Variants in TM7SF3 observed in about 807,000 individuals in gnomAD.
The protein encoded by TM7SF3 is seven span transmembrane protein.
A neutral mutation model predicts 65.5 loss-of-function variants in TM7SF3; 60 were observed. The observed-to-expected ratio is 0.92, with a 90% CI of 0.74 to 1.14. The LOEUF (loss-of-function observed/expected upper bound fraction) is 1.14. TM7SF3 is among the 50% of genes most tolerant of loss of function. TM7SF3 has a pLI of 0.00. For synonymous variants in TM7SF3, 264 were observed against 259.6 expected (o/e 1.02, Z -0.16); for missense variants, 623 against 684.8 (o/e 0.91, Z 1.01).
At chr12:27,006,821 T>C (rs1941056613) in intron 1 of TM7SF3, among the ~76,000 whole-genome samples, 1 of 152,268 alleles carries the variant, frequency 6.6e-6, no homozygotes, top group South Asian at 2.1e-4. Flanking sequence ...GAGTATTCCA[T>C]TCTGGGTATG....
intron 3 of TM7SF3, among the ~76,000 whole-genome samples, chr12:26,997,580 A>G (rs1940649622): frequency 6.6e-6 from 1 of 152,074 alleles, no homozygotes; most frequent in Non-Finnish European, 1.5e-5. Context: ...AACATTTCCT[A>G]TCTTCTACTC....
chr12:26,974,090 T>C lies in TM7SF3; in HGVS notation c.1588A>G (p.Asn530Asp). The part of the protein sequence containing the change: ...WKQERERRVT[N>D]ILDPSYHIPP... ...ATGTGGTAGCTAGGGTCCAGAATGT[T>C]TGTCACTCGGCGCTCTCTCTCTTGC... The change falls in exon 12 of 12, where the codon AAC becomes GAC. Residue 530 changes from asparagine (N) to aspartate (D), a missense_variant. Asn to Asp is a conservative substitution (Grantham distance 23). Coordinates refer to ENST00000343028, the MANE Select transcript of TM7SF3 (RefSeq NM_016551.3). The C allele has an allele frequency of 6.2e-7, 1 of 1,614,144 alleles. No individual in the cohort carries two copies. The highest frequency in any genetic ancestry group is 8.5e-7 in the Non-Finnish European group (1 of 1,180,018).
Position 26,986,029 on chromosome 12 carries a change from T to C in TM7SF3, c.869-3170A>G, listed in dbSNP as rs1280850248. ...TTTTTTAGTAGAGACGGGGTTTCAC[T>C]GTGTTAGCCAGGATGGTCTCGATCT... On this transcript the variant is annotated intron_variant, in intron 6 of 11. Transcript: ENST00000343028. Among the ~76,000 whole-genome samples, 77 of 150,872 alleles carry C rather than the reference T, an allele frequency of 5.1e-4. 1 individual carries two copies. The highest frequency in any genetic ancestry group is 1.7e-3 in the South Asian group (8 of 4,782).
chr12:27,011,935 A>C (rs1056826334), intron 1 of TM7SF3, among the ~76,000 whole-genome samples: 3 of 152,192 alleles, frequency 2.0e-5, no homozygotes, highest in African/African-American at 7.2e-5. Flanking sequence ...AAATACTAAC[A>C]CCAAGTAGAA....
intron 3 of TM7SF3, 45 bp downstream of exon 3, chr12:26,999,481 T>G: frequency 6.3e-7 from 1 of 1,584,154 alleles, no homozygotes; most frequent in Non-Finnish European, 8.7e-7. Context: ...ATGAACACAT[T>G]CCATATTCCA....
At chr12:26,987,793 T>G (rs1940163129) in intron 6 of TM7SF3, among the ~76,000 whole-genome samples, 1 of 151,912 alleles carries the variant, frequency 6.6e-6, no homozygotes, top group East Asian at 1.9e-4. Flanking sequence ...TAAAGACACT[T>G]AAAAAAAGGA....
chr12:26,993,311 T>A (rs1940456643), intron 5 of TM7SF3, among the ~76,000 whole-genome samples: 1 of 152,216 alleles, frequency 6.6e-6, no homozygotes, highest in Non-Finnish European at 1.5e-5. Flanking sequence ...TGTCCCACCT[T>A]TCTCTCCCAG....
chr12:27,009,081 CAT>C (rs916301018), intron 1 of TM7SF3, among the ~76,000 whole-genome samples: 2 of 152,198 alleles, frequency 1.3e-5, no homozygotes, highest in Non-Finnish European at 2.9e-5. Flanking sequence ...GTCAAGTGAA[CAT>C]ATGTGTTTGC....
Position 26,975,619 on chromosome 12 carries a change from C to A in TM7SF3, c.1327G>T (p.Val443Leu). 6.2e-7 allele frequency: 1 copy of A among 1,614,010 alleles called. No individual in the cohort carries two copies. Among genetic ancestry groups the A allele is most frequent in the Non-Finnish European group, 8.5e-7 (1 of 1,179,962 alleles). The stretch of plus-strand genomic sequence containing the variant: ...CAGTAACTGTCAATGGCTAAAACCA[C>A]CGAATAGGAGCCAATGACTCCACAA... ...LTCGVIGSYS[V>L]VLAIDSYWST... The change falls in exon 11 of 12, where the codon GTG (valine) becomes TTG (leucine). Residue 443 changes from valine (V) to leucine (L), a missense_variant. Transcript: ENST00000343028.
At chr12:26,977,036 A>G (rs1442208832) in intron 9 of TM7SF3, among the ~76,000 whole-genome samples, 1 of 152,236 alleles carries the variant, frequency 6.6e-6, no homozygotes, top group Non-Finnish European at 1.5e-5. Flanking sequence ...TTTAAAAAGC[A>G]AGAATAGGCT....
intron 1 of TM7SF3, among the ~76,000 whole-genome samples, chr12:27,005,889 C>A (rs964741813): frequency 2.0e-5 from 3 of 151,850 alleles, no homozygotes; most frequent in Non-Finnish European, 4.4e-5. Context: ...AAATTTCCAC[C>A]TCCAGGTTCA....
rs761852155 is a variant in TM7SF3 at position 26,985,895 on chromosome 12, G to A, written c.869-3036C>T. Among the ~76,000 whole-genome samples the A allele has an allele frequency of 7.8e-4, 98 of 125,822 alleles. 1 individual carries two copies. Among genetic ancestry groups the A allele is most frequent in the Non-Finnish European group, 1.3e-3 (83 of 63,142 alleles). The allele number at this position is 125,822 out of a possible 152,430, so 82.5% of individuals were successfully genotyped here. On this transcript the variant is annotated intron_variant, in intron 6 of 11. Transcript: ENST00000343028. Reference sequence around the variant, plus strand: ...GTGGCGCGATCTTGGCTCACTGCCAGCTCCGCCTCCCGGGTTCACACCATT... The same window carrying A: ...GTGGCGCGATCTTGGCTCACTGCCAACTCCGCCTCCCGGGTTCACACCATT...
rs185463050 is a variant in TM7SF3 at position 26,973,903 on chromosome 12, C to G, written c.*62G>C. 2.5e-6 allele frequency: 4 copies of G among 1,575,892 alleles called. No individual in the cohort carries two copies. The East Asian group carries it at 9.0e-5, about 35-fold the overall frequency. On this transcript the variant is annotated 3_prime_UTR_variant, in exon 12 of 12. Transcript: ENST00000343028. Reference sequence around the variant, plus strand: ...TCTCTTATTAGACTTGCACCAGAGACTGTTGAACCACTCCAGGCATGAACT... The same window carrying G: ...TCTCTTATTAGACTTGCACCAGAGAGTGTTGAACCACTCCAGGCATGAACT...
In TM7SF3 at chr12:27,003,289, GAA is replaced by G; in HGVS notation, c.191_192del (p.Phe64SerfsTer38). ...TACTGTGAGTGTATTTGGAAAATAA[GAA>G]AAGTCACATTGCTTGAAATATCATG... Reference protein sequence around the residue: ...ILHDISSNVTFLIFQIHSQYQ... With the variant: ...ILHDISSNVTXLIFQIHSQYQ... On this transcript the variant is annotated frameshift_variant, in exon 2 of 12. Transcript: ENST00000343028. LOFTEE classifies it high-confidence loss of function. 1 of 1,613,392 alleles carries G rather than the reference GAA, an allele frequency of 6.2e-7. No homozygotes were observed. The highest frequency in any genetic ancestry group is 1.1e-5 in the South Asian group (1 of 91,038).
intron 5 of TM7SF3, among the ~76,000 whole-genome samples, chr12:26,991,141 C>CTTTT (rs35362439): frequency 4.4e-4 from 47 of 107,462 alleles, no homozygotes; most frequent in Non-Finnish European, 6.4e-4. Flanking sequence ...AGTAGTAGTT[C>CTTTT]TTTTTTTTTT....
intron 1 of TM7SF3, among the ~76,000 whole-genome samples, chr12:27,006,597 C>G (rs1300717207): frequency 6.6e-6 from 1 of 152,098 alleles, no homozygotes; most frequent in Non-Finnish European, 1.5e-5. Flanking sequence ...GCTAAATAAA[C>G]AGAAAGTCAA....
chr12:27,001,179 A>G (rs1565464279), intron 2 of TM7SF3, among the ~76,000 whole-genome samples: 1 of 152,084 alleles, frequency 6.6e-6, no homozygotes, highest in Admixed American at 6.5e-5. Flanking sequence ...TACACAGACC[A>G]CTCACTTCCT....
chr12:26,976,187 T>C, intron 10 of TM7SF3, 73 bp downstream of exon 10: 2 of 1,173,000 alleles, frequency 1.7e-6, no homozygotes, highest in Non-Finnish European at 2.5e-6. Flanking sequence ...ACATGCAAAA[T>C]GATGAAATAA....
At chr12:27,013,818 T>C (rs1005415220) in intron 1 of TM7SF3, among the ~76,000 whole-genome samples, 7 of 152,172 alleles carry the variant, frequency 4.6e-5, no homozygotes, top group African/African-American at 1.7e-4. Context: ...AGGGAGATAA[T>C]ACTGTGTTAA....
Sources: gnomAD v4.1 joint callset for allele counts (sites outside exome capture counted in the v4.1 genomes callset) on GRCh38, gnomAD v4.1.1 for gene constraint, MANE v1.5 for transcripts, NCBI Gene and HGNC (gene_info 2026-07-23, HGNC 2026-07-21) for gene names.